Variants in IFT56 observed in about 807,000 individuals in gnomAD.
IFT56 encodes the protein intraflagellar transport 56.
chr7:139,160,035 C>A, the IFT56 span, among the ~76,000 whole-genome samples: 1 of 152,030 alleles, frequency 6.6e-6, no homozygotes, highest in South Asian at 2.1e-4. Context: ...GATCTTGAGA[C>A]CAAAAAGCTT....
At chr7:139,167,887 G>A in the IFT56 span, among the ~76,000 whole-genome samples, 8 of 151,598 alleles carry the variant, frequency 5.3e-5, no homozygotes, top group African/African-American at 1.7e-4. Context: ...GTTGCAGTGG[G>A]CTGAGATCAC....
the IFT56 span, chr7:139,142,455 G>C: frequency 1.4e-6 from 1 of 701,998 alleles, no homozygotes; most frequent in Non-Finnish European, 2.4e-6. Flanking sequence ...AATTGTATAG[G>C]ATTTTCTCCT....
the IFT56 span, among the ~76,000 whole-genome samples, chr7:139,174,921 T>G: frequency 3.2e-4 from 49 of 151,952 alleles, no homozygotes; most frequent in African/African-American, 1.2e-3. Flanking sequence ...CTCAGGAGAC[T>G]GAGGCAGGAG....
the IFT56 span, chr7:139,168,567 G>GACAAAAAAAAAA: frequency 2.7e-6 from 1 of 375,040 alleles, no homozygotes; most frequent in Non-Finnish European, 4.7e-6. Flanking sequence ...GTTATTTAGA[G>GACAAAAAAAAAA]ACAAAAAAAA....
At chr7:139,136,733 A>T in the IFT56 span, among the ~76,000 whole-genome samples, 1 of 152,068 alleles carries the variant, frequency 6.6e-6, no homozygotes, top group Non-Finnish European at 1.5e-5. Flanking sequence ...GCCTCCCAAA[A>T]TGCTGGGATT....
At chr7:139,149,686 G>A in the IFT56 span, among the ~76,000 whole-genome samples, 3 of 152,194 alleles carry the variant, frequency 2.0e-5, no homozygotes, top group East Asian at 3.9e-4. Context: ...TGGCTAACTT[G>A]TAGGCACCAT....
chr7:139,152,965 A>G, the IFT56 span, among the ~76,000 whole-genome samples: 3 of 152,122 alleles, frequency 2.0e-5, no homozygotes, highest in South Asian at 6.2e-4. Context: ...CCTGGGCAAC[A>G]CAGTGAAACC....
chr7:139,163,967 T>G, the IFT56 span, among the ~76,000 whole-genome samples: 83 of 152,376 alleles, frequency 5.4e-4, no homozygotes, highest in African/African-American at 1.9e-3. Context: ...GACACTATGC[T>G]AGGCTCTAGA....
the IFT56 span, among the ~76,000 whole-genome samples, chr7:139,143,512 T>C: frequency 6.6e-6 from 1 of 152,138 alleles, no homozygotes; most frequent in African/African-American, 2.4e-5. Context: ...GGGTAGCATT[T>C]GCCTATTATA....
At chr7:139,184,979 G>A in the IFT56 span, among the ~76,000 whole-genome samples, 2 of 151,554 alleles carry the variant, frequency 1.3e-5, no homozygotes, top group African/African-American at 2.4e-5. Context: ...GCGTGAACCC[G>A]GGAGGTGGAG....
the IFT56 span, among the ~76,000 whole-genome samples, chr7:139,166,143 A>G: frequency 4.6e-5 from 7 of 152,142 alleles, no homozygotes. Context: ...TTTCTAATAG[A>G]GACGGGGTTT....
At chr7:139,171,534 T>C in the IFT56 span, among the ~76,000 whole-genome samples, 4 of 152,010 alleles carry the variant, frequency 2.6e-5, no homozygotes, top group African/African-American at 9.7e-5. Flanking sequence ...CCAGAAATAA[T>C]CCATATGTCT....
the IFT56 span, among the ~76,000 whole-genome samples, chr7:139,177,856 T>C: frequency 2.6e-5 from 4 of 151,990 alleles, no homozygotes; most frequent in Non-Finnish European, 5.9e-5. Context: ...AAGTGCTAGG[T>C]TGATTTAGAA....
the IFT56 span, among the ~76,000 whole-genome samples, chr7:139,158,782 C>T: frequency 9.9e-5 from 15 of 151,896 alleles, no homozygotes; most frequent in East Asian, 9.7e-4. Context: ...GGTGTGGTGG[C>T]GTGTAGTTGT....
the IFT56 span, among the ~76,000 whole-genome samples, chr7:139,167,618 G>C: frequency 6.6e-6 from 1 of 152,026 alleles, no homozygotes; most frequent in Admixed American, 6.6e-5. Flanking sequence ...TTAGGAAAAG[G>C]ATTACTAGCA....
chr7:139,168,486 T>C, the IFT56 span: 2 of 896,058 alleles, frequency 2.2e-6, no homozygotes, highest in African/African-American at 1.7e-5. Context: ...CAAGCAGCAA[T>C]AGGCTCTCCT....
At chr7:139,133,816 G>A in the IFT56 span, 3 of 1,614,092 alleles carry the variant, frequency 1.9e-6, no homozygotes, top group African/African-American at 1.3e-5. Flanking sequence ...GCTGAGGCGC[G>A]GCCTTCGCTG....
chr7:139,191,240 A>G, the IFT56 span: 1 of 152,204 alleles, frequency 6.6e-6, no homozygotes, highest in Non-Finnish European at 1.5e-5. Context: ...CTTTTTTCAT[A>G]TGCCAAAGCT....
At chr7:139,185,036 A>G in the IFT56 span, among the ~76,000 whole-genome samples, 1 of 144,616 alleles carries the variant, frequency 6.9e-6, no homozygotes, top group Admixed American at 7.0e-5. Context: ...CCTGGGTAAC[A>G]GGGCGAGACT....
Sources: gnomAD v4.1 joint callset for allele counts (sites outside exome capture counted in the v4.1 genomes callset) on GRCh38, gnomAD v4.1.1 for gene constraint, MANE v1.5 for transcripts, NCBI Gene and HGNC (gene_info 2026-07-23, HGNC 2026-07-21) for gene names.